Variants in AGBL3 observed in about 807,000 individuals in gnomAD.
AGBL3 encodes the protein cytosolic carboxypeptidase 3.
A neutral mutation model predicts 94.5 loss-of-function variants in AGBL3; 68 were observed. The observed-to-expected ratio is 0.72, with a 90% CI of 0.59 to 0.88. AGBL3 has a LOEUF of 0.88. Ranked by LOEUF, AGBL3 falls within the 40% of genes least tolerant of loss-of-function variation. AGBL3 has a pLI of 0.00. For missense variants in AGBL3, 934 were observed against 1,103.8 expected (o/e 0.85, Z 2.18); for synonymous variants, 354 against 370.7 (o/e 0.95, Z 0.52).
chr7:135,076,419 A>G lies in AGBL3; in HGVS notation c.1931A>G (p.Lys644Arg), dbSNP rs950497170. The change falls in exon 13 of 17, where the codon AAG becomes AGG. Residue 644 changes from lysine (K) to arginine (R), a missense_variant. Transcript: ENST00000436302. ...TSQKKHLKTK[K>R]ERNSTIASHQ... is the part of the protein sequence containing the mutation. ...TAGAAAAAACATTTGAAAACAAAGAAGGAAAGGAATTCTACCATAGCAAGC... is the reference window on the plus strand; with the variant it reads ...TAGAAAAAACATTTGAAAACAAAGAGGGAAAGGAATTCTACCATAGCAAGC... 15 of 1,548,186 alleles carry G rather than the reference A, an allele frequency of 9.7e-6. No individual in the cohort carries two copies. The highest frequency in any genetic ancestry group is 1.2e-5 in the Non-Finnish European group (14 of 1,144,266).
intron 4 of AGBL3, among the ~76,000 whole-genome samples, chr7:135,003,838 C>T (rs920249474): frequency 4.6e-5 from 7 of 151,202 alleles, no homozygotes; most frequent in Non-Finnish European, 1.5e-5. Context: ...AATTGCCATA[C>T]TTTGTTTCTA....
chr7:135,026,060 G>GC (rs1225628528), intron 5 of AGBL3, among the ~76,000 whole-genome samples: 1 of 151,298 alleles, frequency 6.6e-6, no homozygotes, highest in African/African-American at 2.4e-5. Flanking sequence ...GGACACTTGA[G>GC]CAACTGGACC....
At chr7:135,102,587 A>G (rs915409877) in intron 15 of AGBL3, among the ~76,000 whole-genome samples, 4 of 133,218 alleles carry the variant, frequency 3.0e-5, no homozygotes, top group Non-Finnish European at 6.6e-5. Flanking sequence ...CACCAAGAGT[A>G]CTTTCAGTAT....
intron 11 of AGBL3, 79 bp downstream of exon 11, chr7:135,045,990 G>T: frequency 9.9e-7 from 1 of 1,009,526 alleles, no homozygotes; most frequent in Non-Finnish European, 1.4e-6. Flanking sequence ...GCATTTTATT[G>T]TCAGTTCTCA....
chr7:135,081,401 T>C (rs1195546614), intron 14 of AGBL3, among the ~76,000 whole-genome samples: 1 of 152,112 alleles, frequency 6.6e-6, no homozygotes, highest in Non-Finnish European at 1.5e-5. Flanking sequence ...CCACCCCCAG[T>C]GTTAAACTTA....
intron 15 of AGBL3, among the ~76,000 whole-genome samples, chr7:135,110,594 C>T (rs1040268670): frequency 3.3e-5 from 5 of 152,288 alleles, no homozygotes; most frequent in Non-Finnish European, 7.4e-5. Context: ...AGGGGAGGCT[C>T]TCCTGGCTCT....
At chr7:134,994,271 TTTTTCCTC>T (rs535923102) in intron 4 of AGBL3, among the ~76,000 whole-genome samples, 3 of 151,998 alleles carry the variant, frequency 2.0e-5, no homozygotes, top group Non-Finnish European at 4.4e-5. Context: ...CCTTTCTCCT[TTTTTCCTC>T]TTTTCCTCTT....
intron 15 of AGBL3, among the ~76,000 whole-genome samples, chr7:135,090,198 G>A (rs1355166767): frequency 1.3e-5 from 2 of 152,118 alleles, no homozygotes; most frequent in African/African-American, 2.4e-5. Context: ...GAATAGTGAG[G>A]GTCAGTATAT....
At chr7:135,128,837 T>C (rs750722516) in intron 16 of AGBL3, 30 of 1,171,946 alleles carry the variant, frequency 2.6e-5, no homozygotes, top group Non-Finnish European at 3.7e-5. Flanking sequence ...GTGTGCAGGA[T>C]GTGGAATCAT....
intron 8 of AGBL3, among the ~76,000 whole-genome samples, chr7:135,040,277 C>T (rs941191375): frequency 3.9e-5 from 6 of 152,072 alleles, no homozygotes; most frequent in African/African-American, 7.2e-5. Flanking sequence ...CAATCTTTCC[C>T]GGGATTACCA....
At chr7:135,036,317 A>G (rs1470549051) in intron 7 of AGBL3, among the ~76,000 whole-genome samples, 1 of 151,994 alleles carries the variant, frequency 6.6e-6, no homozygotes, top group African/African-American at 2.4e-5. Context: ...TTTTATATTG[A>G]GTGTTAAATT....
At chr7:134,993,447 A>G (rs1563162251) in intron 3 of AGBL3, 46 bp from the exon 4 acceptor site, 9 of 1,449,246 alleles carry the variant, frequency 6.2e-6, no homozygotes, top group Non-Finnish European at 7.4e-6. Flanking sequence ...AGGAGTTGGT[A>G]TTTTTCTTCT....
chr7:135,093,881 C>T (rs1344159058), intron 15 of AGBL3: 1 of 153,420 alleles, frequency 6.5e-6, no homozygotes, highest in Non-Finnish European at 1.4e-5. Flanking sequence ...CTGTGTGGTA[C>T]TGGCCTAAGG....
chr7:135,015,357 A>G (rs1813645293), intron 4 of AGBL3, among the ~76,000 whole-genome samples: 1 of 152,180 alleles, frequency 6.6e-6, no homozygotes, highest in Non-Finnish European at 1.5e-5. Context: ...AAAACTTTGC[A>G]TTGTTCAACC....
intron 5 of AGBL3, among the ~76,000 whole-genome samples, chr7:135,024,019 G>C (rs1814808974): frequency 8.7e-6 from 1 of 115,192 alleles, no homozygotes; most frequent in Admixed American, 8.9e-5. Context: ...CAGCACTTGA[G>C]CGGGAGGAGC....
rs1410436733 is a variant in AGBL3 at position 135,034,570 on chromosome 7, G to A, written c.979G>A (p.Val327Ile). The A allele has an allele frequency of 1.3e-6, 2 of 1,551,804 alleles. No individual in the cohort carries two copies. Among genetic ancestry groups the A allele is most frequent in the East Asian group, 2.4e-5 (1 of 40,928 alleles). ...PVRSKFCKIR[V>I]LCHTLARNMV... The stretch of plus-strand genomic sequence containing the variant: ...ACGGTCAAAGTTTTGTAAAATACGT[G>A]TTTTGTGCCACACGCTTGCTAGGAA... Residue 327 changes from valine to isoleucine, a missense_variant, in exon 7 of 17, where the codon GTT (valine) becomes ATT (isoleucine). Around this residue, in one of 3 missense-constraint regions of AGBL3, gnomAD observed 488 missense variants for 563.6 expected, o/e 0.87. Coordinates refer to ENST00000436302, the MANE Select transcript of AGBL3 (RefSeq NM_178563.4).
chr7:135,114,472 G>C (rs908409812), intron 15 of AGBL3, among the ~76,000 whole-genome samples: 1 of 151,518 alleles, frequency 6.6e-6, no homozygotes, highest in Non-Finnish European at 1.5e-5. Context: ...TAATTCCTTT[G>C]TATCATCTAA....
intron 15 of AGBL3, among the ~76,000 whole-genome samples, chr7:135,113,817 C>T (rs180848226): frequency 4.6e-5 from 7 of 152,112 alleles, no homozygotes; most frequent in African/African-American, 1.7e-4. Context: ...AATTCTCCCT[C>T]CCCCCAGCAC....
intron 11 of AGBL3, among the ~76,000 whole-genome samples, chr7:135,050,234 T>C (rs920071477): frequency 6.6e-6 from 1 of 152,054 alleles, no homozygotes; most frequent in African/African-American, 2.4e-5. Flanking sequence ...ATTTATCTAG[T>C]TTCACCCCAT....
Sources: allele counts gnomAD v4.1 joint callset (sites outside exome capture counted in the v4.1 genomes callset), GRCh38; gene constraint gnomAD v4.1.1; regional missense constraint gnomAD v4.1.1; transcripts MANE v1.5; gene names NCBI Gene and HGNC (gene_info 2026-07-23, HGNC 2026-07-21).